Variants in ANK1 observed in about 807,000 individuals in gnomAD.
The protein encoded by ANK1 is ankyrin-1.
A neutral mutation model predicts 210.4 loss-of-function variants in ANK1; 51 were observed. The observed-to-expected ratio is 0.24, with a 90% CI of 0.19 to 0.31. ANK1 has a LOEUF of 0.31. Among genes scored for constraint, ANK1 ranks in the 10% least tolerant of loss-of-function variants. The pLI, the probability that ANK1 is intolerant of heterozygous loss-of-function variation, is 1.00. For missense variants in ANK1, 2,051 were observed against 2,504.4 expected (o/e 0.82, Z 3.86); for synonymous variants, 967 against 1,025.9 (o/e 0.94, Z 1.10).
intron 5 of ANK1, 31 bp from the exon 6 acceptor site, chr8:41,725,977 A>C (rs1316230225): frequency 6.2e-7 from 1 of 1,606,490 alleles, no homozygotes; most frequent in Non-Finnish European, 8.5e-7. Flanking sequence ...CTTTGCTCTG[A>C]CTCGTCTGAC....
chr8:41,691,247 G>A (rs1216659050), intron 31 of ANK1, among the ~76,000 whole-genome samples: 1 of 152,118 alleles, frequency 6.6e-6, no homozygotes, highest in African/African-American at 2.4e-5. Flanking sequence ...CCAAGGTTCT[G>A]TTTTTATGTC....
intron 16 of ANK1, among the ~76,000 whole-genome samples, chr8:41,709,449 G>A (rs1227206141): frequency 6.6e-6 from 1 of 152,266 alleles, no homozygotes; most frequent in Non-Finnish European, 1.5e-5. Flanking sequence ...CAAGGGACTT[G>A]AGGATGTGGG....
At chr8:41,850,605 C>T (rs1229284243) in intron 1 of ANK1, among the ~76,000 whole-genome samples, 4 of 152,186 alleles carry the variant, frequency 2.6e-5, no homozygotes, top group Admixed American at 6.5e-5. Flanking sequence ...CTTAGCCTCC[C>T]GAGTAGCTGG....
chr8:41,838,567 A>C (rs1587336834), intron 1 of ANK1, among the ~76,000 whole-genome samples: 1 of 151,934 alleles, frequency 6.6e-6, no homozygotes, highest in African/African-American at 2.4e-5. Flanking sequence ...GGAGTTGGAG[A>C]CCAGCCTGGC....
At chr8:41,820,505 A>G (rs1804075378) in intron 1 of ANK1, among the ~76,000 whole-genome samples, 1 of 151,972 alleles carries the variant, frequency 6.6e-6, no homozygotes, top group Admixed American at 6.6e-5. Flanking sequence ...CACCACTCTC[A>G]TTTTGACCAC....
At chr8:41,658,897 TATAAATAA>T (rs71239072) in intron 42 of ANK1, among the ~76,000 whole-genome samples, 200 of 148,670 alleles carry the variant, frequency 1.3e-3, no homozygotes, top group East Asian at 2.8e-3. Flanking sequence ...CCTCTCAAAA[TATAAATAA>T]ATAAATAAAT....
chr8:41,878,638 G>A (rs1193603138), intron 1 of ANK1, among the ~76,000 whole-genome samples: 2 of 152,156 alleles, frequency 1.3e-5, no homozygotes, highest in African/African-American at 2.4e-5. Flanking sequence ...GGAACCCCTC[G>A]TTAAAAAGTA....
intron 2 of ANK1, among the ~76,000 whole-genome samples, chr8:41,738,543 G>A (rs1211685515): frequency 1.3e-5 from 2 of 152,130 alleles, no homozygotes; most frequent in Admixed American, 1.3e-4. Context: ...AGCATTTTGT[G>A]GATAAATACC....
chr8:41,843,209 T>C (rs973433575), intron 1 of ANK1, among the ~76,000 whole-genome samples: 1 of 152,222 alleles, frequency 6.6e-6, no homozygotes, highest in Non-Finnish European at 1.5e-5. Flanking sequence ...TTGTGCAAAT[T>C]CATGCGGTAC....
intron 38 of ANK1, among the ~76,000 whole-genome samples, chr8:41,669,162 C>G (rs1338794299): frequency 6.6e-6 from 1 of 151,752 alleles, no homozygotes; most frequent in Non-Finnish European, 1.5e-5. Context: ...TCCACATCCA[C>G]TTCCTAAGCA....
chr8:41,676,906 T>A (rs1814340671), intron 37 of ANK1, among the ~76,000 whole-genome samples: 1 of 152,244 alleles, frequency 6.6e-6, no homozygotes, highest in East Asian at 1.9e-4. Context: ...TTTTCTCATT[T>A]TCAATTTTCT....
intron 3 of ANK1, among the ~76,000 whole-genome samples, chr8:41,733,287 G>A (rs954912421): frequency 6.6e-6 from 1 of 152,190 alleles, no homozygotes; most frequent in African/African-American, 2.4e-5. Flanking sequence ...TTAGCGAGGA[G>A]AGGAAATCAG....
chr8:41,723,487 G>T (rs1829821104), intron 8 of ANK1, 48 bp downstream of exon 8: 5 of 1,601,970 alleles, frequency 3.1e-6, no homozygotes, highest in South Asian at 1.1e-5. Context: ...GGCTTGTGAG[G>T]GGGGACCTCC....
chr8:41,762,084 C>T (rs1429944839), intron 1 of ANK1, among the ~76,000 whole-genome samples: 1 of 152,220 alleles, frequency 6.6e-6, no homozygotes, highest in African/African-American at 2.4e-5. Context: ...AAGTCCAAGC[C>T]CTGTGGCTGT....
At chr8:41,690,823 G>A (rs1819080403) in intron 31 of ANK1, among the ~76,000 whole-genome samples, 1 of 152,220 alleles carries the variant, frequency 6.6e-6, no homozygotes, top group East Asian at 1.9e-4. Context: ...AATATGTAGG[G>A]ATCTTCAAAT....
At chr8:41,759,776 G>C (rs892329497) in intron 1 of ANK1, among the ~76,000 whole-genome samples, 1 of 152,056 alleles carries the variant, frequency 6.6e-6, no homozygotes, top group African/African-American at 2.4e-5. Context: ...ACATGCACAC[G>C]CACAGATAAG....
At chr8:41,887,093 C>A (rs13266762) in intron 1 of ANK1, among the ~76,000 whole-genome samples, 53,598 of 151,788 alleles carry the variant, frequency 0.35, 11,436 homozygotes, top group African/African-American at 0.6. Flanking sequence ...ATCAGCTATA[C>A]ATTCCAGATT....
At chr8:41,762,643 GT>G (rs1462677856) in intron 1 of ANK1, among the ~76,000 whole-genome samples, 1 of 152,180 alleles carries the variant, frequency 6.6e-6, no homozygotes, top group African/African-American at 2.4e-5. Context: ...CATGAGCTGG[GT>G]TTCCAGAGAA....
chr8:41,748,763 C>T (rs187355770), intron 2 of ANK1, among the ~76,000 whole-genome samples: 157 of 152,316 alleles, frequency 1.0e-3, no homozygotes, highest in Middle Eastern at 3.4e-3. Context: ...AAGCCAGGCG[C>T]GGTGGCTTAC....
Sources: allele counts gnomAD v4.1 joint callset (sites outside exome capture counted in the v4.1 genomes callset), GRCh38; gene constraint gnomAD v4.1.1; transcripts MANE v1.5; gene names NCBI Gene and HGNC (gene_info 2026-07-23, HGNC 2026-07-21).